The following PLAAT5 variants were observed in gnomAD, a reference collection of about 807,000 sequenced individuals.
The protein encoded by PLAAT5 is Ca(2+)-independent N-acyltransferase.
Under a neutral mutation model 27.8 loss-of-function variants are expected in PLAAT5, and 27 were observed. The ratio of observed to expected loss-of-function variants is 0.97; its 90% CI spans 0.72 to 1.34. The LOEUF is 1.34. PLAAT5 is among the 40% of genes most tolerant of loss of function. PLAAT5 has a pLI of 0.00. For synonymous variants in PLAAT5, 125 were observed against 136.1 expected (o/e 0.92, Z 0.57); for missense variants, 368 against 343.8 (o/e 1.07, Z -0.56).
intron 5 of PLAAT5, among the ~76,000 whole-genome samples, chr11:63,465,229 A>G (rs1262703410): frequency 1.3e-5 from 2 of 152,102 alleles, no homozygotes; most frequent in Non-Finnish European, 2.9e-5. Flanking sequence ...CAGTGAGCCG[A>G]GATTGCACTA....
chr11:63,468,023 G>C (rs531862593), intron 4 of PLAAT5, among the ~76,000 whole-genome samples: 9 of 152,330 alleles, frequency 5.9e-5, no homozygotes, highest in African/African-American at 2.2e-4. Flanking sequence ...CCTCCTTGGG[G>C]AATCCTCAGA....
intron 4 of PLAAT5, among the ~76,000 whole-genome samples, chr11:63,467,158 T>G (rs1445049596): frequency 6.6e-6 from 1 of 152,198 alleles, no homozygotes; most frequent in African/African-American, 2.4e-5. Flanking sequence ...CTCCATGATC[T>G]TTTCTTACAA....
chr11:63,479,996 T>A (rs1025158070), intron 3 of PLAAT5, among the ~76,000 whole-genome samples: 1 of 152,140 alleles, frequency 6.6e-6, no homozygotes, highest in Non-Finnish European at 1.5e-5. Context: ...CAGACCCCAA[T>A]ACCTTAGAGT....
At chr11:63,474,986 T>A (rs1295038944) in intron 3 of PLAAT5, among the ~76,000 whole-genome samples, 2 of 152,128 alleles carry the variant, frequency 1.3e-5, no homozygotes, top group Non-Finnish European at 2.9e-5. Context: ...GGCTATTAAT[T>A]TCTAATTTAA....
chr11:63,473,555 CT>C (rs906737061), intron 3 of PLAAT5, among the ~76,000 whole-genome samples: 2 of 152,026 alleles, frequency 1.3e-5, no homozygotes, highest in Non-Finnish European at 2.9e-5. Context: ...CATAGGTGCC[CT>C]TTTTCAAGTT....
At chr11:63,469,805 G>T in intron 3 of PLAAT5, 1 of 154,734 alleles carries the variant, frequency 6.5e-6, no homozygotes, top group Non-Finnish European at 1.5e-5. Context: ...ACGGCAAATT[G>T]GCCAGGTGCA....
At chr11:63,486,770 C>T (rs1321383255) in intron 3 of PLAAT5, among the ~76,000 whole-genome samples, 1 of 152,110 alleles carries the variant, frequency 6.6e-6, no homozygotes, top group Admixed American at 6.5e-5. Flanking sequence ...GGAACTTTTG[C>T]ATGCAACCAA....
intron 3 of PLAAT5, 142 bp downstream of exon 3, chr11:63,488,729 G>T: frequency 1.6e-5 from 7 of 440,532 alleles, no homozygotes; most frequent in Non-Finnish European, 2.5e-5. Flanking sequence ...TATTTTATGT[G>T]TGGCCCAAGA....
Position 63,490,233 on chromosome 11 carries a change from ATCT to A in PLAAT5, c.239+7_239+9del, listed in dbSNP as rs764939349. The A allele has an allele frequency of 9.9e-6, 16 of 1,613,928 alleles. No homozygotes were observed. The African/African-American group carries it at 2.1e-4, about 22-fold the overall frequency. On this transcript the variant is annotated splice_region_variant and intron_variant, in intron 2 of 5. Coordinates refer to ENST00000540857, the MANE Select transcript of PLAAT5 (RefSeq NM_001146729.2). ...TCCACCCAAAGACCCCAACCTTACAATCTTCTTACCCTTGCTGGATGCTTCTGC... is the reference window on the plus strand; with the variant it reads ...TCCACCCAAAGACCCCAACCTTACAATCTTACCCTTGCTGGATGCTTCTGC...
At position 63,466,112 on chromosome 11, in the gene PLAAT5, G is replaced by T. The variant is rs756516926; in HGVS notation, c.715C>A (p.Gln239Lys). 1.4e-5 allele frequency: 23 copies of T among 1,613,278 alleles called. 1 individual carries two copies. The South Asian group carries it at 2.3e-4, about 16-fold the overall frequency. The change falls in exon 5 of 6, where the codon CAG (glutamine) becomes AAG (lysine). Residue 239 changes from glutamine (Q) to lysine (K), a missense_variant and splice_region_variant. Gln to Lys is a moderately conservative substitution (Grantham distance 53). Coordinates refer to ENST00000540857, the MANE Select transcript of PLAAT5 (RefSeq NM_001146729.2). ...GLRYGVPRSQ[Q>K]VEHALMEGAK... ...CATCAGAGCAAATGGGGTCACACCT[G>T]CTGGCTCCGGGGTACGCCATATCTG...
At chr11:63,479,511 T>C (rs1004165703) in intron 3 of PLAAT5, among the ~76,000 whole-genome samples, 1 of 152,260 alleles carries the variant, frequency 6.6e-6, no homozygotes, top group African/African-American at 2.4e-5. Context: ...GCCTTTAATT[T>C]ATAATTTAGG....
At chr11:63,474,714 G>T (rs1275013319) in intron 3 of PLAAT5, among the ~76,000 whole-genome samples, 2 of 151,410 alleles carry the variant, frequency 1.3e-5, no homozygotes, top group East Asian at 3.9e-4. Context: ...TTTGGTTTTA[G>T]TTTGCTTTGT....
At chr11:63,464,887 A>T (rs1444059796) in intron 5 of PLAAT5, among the ~76,000 whole-genome samples, 1 of 152,160 alleles carries the variant, frequency 6.6e-6, no homozygotes, top group Non-Finnish European at 1.5e-5. Flanking sequence ...GGTGGGTGAC[A>T]TACCTACCCC....
rs2015744176 is a variant in PLAAT5 at position 63,462,472 on chromosome 11, T to A, written c.*1031A>T. The A allele has an allele frequency of 6.6e-6, 1 of 151,930 alleles. No individual in the cohort carries two copies. The highest frequency in any genetic ancestry group is 2.1e-4 in the South Asian group (1 of 4,816). The allele number at this position is 151,930 out of a possible 1,614,324, so 9.4% of individuals were successfully genotyped here. A position where few individuals can be genotyped will look rare whatever the true frequency, so the allele number is the denominator to read the frequency against. On this transcript the variant is annotated 3_prime_UTR_variant, in exon 6 of 6. Coordinates refer to ENST00000540857, the MANE Select transcript of PLAAT5 (RefSeq NM_001146729.2). ...GATGGAGGGTAAAAACATTGAAGAG[T>A]TTCAGTGAGAGTCTATTTTCTCCAA... is the stretch of plus-strand genomic sequence containing the variant.
chr11:63,463,787 T>G (rs12280132), intron 5 of PLAAT5, among the ~76,000 whole-genome samples, 192 bp from the exon 6 acceptor site: 2,341 of 152,290 alleles, frequency 0.015, 65 homozygotes, highest in African/African-American at 0.054. Context: ...CCAGGATTGT[T>G]GGAGACAGAC....
In PLAAT5 at chr11:63,463,535, C is replaced by G. The variant is rs141749773; in HGVS notation, c.778G>C (p.Asp260His). The G allele has an allele frequency of 1.7e-4, 276 of 1,613,852 alleles. No homozygotes were observed. In the African/African-American group the frequency reaches 3.1e-3, roughly 18 times the overall value. Residue 260 changes from aspartate to histidine, a missense_variant, in exon 6 of 6, where the codon GAT (aspartate) becomes CAT (histidine). Transcript: ENST00000540857. ...AAGAVISAVV[D>H]SIKPKPITA ...GTTATTGGTTTGGGCTTTATGCTATCCACTACAGCTGAAATAACTGCTCCA... is the reference window on the plus strand; with the variant it reads ...GTTATTGGTTTGGGCTTTATGCTATGCACTACAGCTGAAATAACTGCTCCA...
intron 3 of PLAAT5, among the ~76,000 whole-genome samples, chr11:63,480,968 T>C (rs2120302673): frequency 6.6e-6 from 1 of 152,358 alleles, no homozygotes; most frequent in African/African-American, 2.4e-5. Flanking sequence ...ACTTGTTCAG[T>C]TCTATTTCCC....
chr11:63,466,243 A>G lies in PLAAT5; in HGVS notation c.584T>C (p.Leu195Pro), dbSNP rs1335572578. The G allele has an allele frequency of 2.5e-6, 4 of 1,614,066 alleles. No homozygotes were observed. The highest frequency in any genetic ancestry group is 3.4e-6 in the Non-Finnish European group (4 of 1,180,040). ...GATGATCTTGTCCACCGGCAAGGGC[A>G]GGTACGTCCCATCTAGCTTGTTATT... The part of the protein sequence containing the change: ...KVNNKLDGTY[L>P]PLPVDKIIQR... Residue 195 changes from leucine (L) to proline (P), a missense_variant, in exon 5 of 6, where the codon CTG becomes CCG. Coordinates refer to ENST00000540857, the MANE Select transcript of PLAAT5 (RefSeq NM_001146729.2).
rs1565218263 is a variant in PLAAT5 at position 63,490,274 on chromosome 11, T to G, written c.208A>C (p.Thr70Pro). 2 of 1,614,082 alleles carry G rather than the reference T, an allele frequency of 1.2e-6. No individual in the cohort carries two copies. The change falls in exon 2 of 6, where the codon ACA (threonine) becomes CCA (proline). Residue 70 changes from threonine to proline, a missense_variant. Coordinates refer to ENST00000540857, the MANE Select transcript of PLAAT5 (RefSeq NM_001146729.2). ...QLPAKQPPPG[T>P]LEQGRSIQQG... ...TGGATGCTTCTGCCCTGTTCTAATG[T>G]GCCCGGCGGAGGCTGCTTGGCTGGG...
Sources: allele counts gnomAD v4.1 joint callset (sites outside exome capture counted in the v4.1 genomes callset), GRCh38; gene constraint gnomAD v4.1.1; transcripts MANE v1.5; gene names NCBI Gene and HGNC (gene_info 2026-07-23, HGNC 2026-07-21).